Variants in CCDC25 observed in about 807,000 individuals in gnomAD.
CCDC25 encodes the protein coiled-coil domain containing 25.
In CCDC25, 16 loss-of-function variants were observed where a neutral mutation model predicts 35.3. The ratio of observed to expected loss-of-function variants is 0.45; its 90% CI spans 0.31 to 0.69. The LOEUF (loss-of-function observed/expected upper bound fraction) is 0.69. Ranked by LOEUF, CCDC25 falls within the 30% of genes least tolerant of loss-of-function variation. The pLI is 0.06. For synonymous variants in CCDC25, 79 were observed against 80.3 expected (o/e 0.98, Z 0.09); for missense variants, 179 against 250.7 (o/e 0.71, Z 1.93).
intron 4 of CCDC25, 86 bp from the exon 5 acceptor site, chr8:27,752,673 A>G: frequency 1.1e-6 from 1 of 941,922 alleles, no homozygotes. Flanking sequence ...TGCCTTACCT[A>G]CTAGGCATGA....
chr8:27,736,062 CA>C lies in CCDC25; in HGVS notation c.*153del, dbSNP rs112789683. 3.9e-5 allele frequency: 26 copies of C among 661,082 alleles called. No homozygotes were observed. The highest frequency in any genetic ancestry group is 6.9e-5 in the South Asian group (3 of 43,708). 41.0% of individuals were successfully genotyped at this position (661,082 alleles called of 1,614,324 possible). ...TCCTTTTCTGTCAGCAAAAAAGGTA[CA>C]ATTTTTTTAAAACTTGAAAATCAAT... On this transcript the variant is annotated 3_prime_UTR_variant, in exon 9 of 9. Coordinates refer to ENST00000356537, the MANE Select transcript of CCDC25 (RefSeq NM_018246.3).
intron 5 of CCDC25, among the ~76,000 whole-genome samples, chr8:27,750,256 G>T (rs908449650): frequency 6.6e-6 from 1 of 152,178 alleles, no homozygotes; most frequent in African/African-American, 2.4e-5. Flanking sequence ...AGAGCTCAGG[G>T]GTTACGGCAG....
At chr8:27,741,278 G>A (rs560013611) in intron 7 of CCDC25, among the ~76,000 whole-genome samples, 3 of 152,262 alleles carry the variant, frequency 2.0e-5, no homozygotes, top group South Asian at 2.1e-4. Flanking sequence ...GTAGAGGATC[G>A]GATGAGAAGA....
chr8:27,753,225 T>G (rs1284893993), intron 4 of CCDC25, among the ~76,000 whole-genome samples: 5 of 152,222 alleles, frequency 3.3e-5, no homozygotes, highest in Non-Finnish European at 7.3e-5. Flanking sequence ...TTAAGTAACT[T>G]GCTCAGAGTC....
chr8:27,745,624 A>T (rs1381048331), intron 7 of CCDC25, among the ~76,000 whole-genome samples: 4 of 152,232 alleles, frequency 2.6e-5, no homozygotes, highest in African/African-American at 9.6e-5. Context: ...ATTACAAAAC[A>T]AGTCAGAAGC....
At chr8:27,766,869 T>C (rs1392032012) in intron 1 of CCDC25, among the ~76,000 whole-genome samples, 1 of 152,220 alleles carries the variant, frequency 6.6e-6, no homozygotes, top group African/African-American at 2.4e-5. Context: ...AACAGTATTT[T>C]TGTGTATCTA....
At position 27,748,492 on chromosome 8, in the gene CCDC25, T is replaced by TA; in HGVS notation, c.348+2dup. ...GCCTCCTTCAGTGGCACAAAACACT[T>TA]ACATCCTTCTGCCTGTGAAAGCCTA... On this transcript the variant is annotated splice_region_variant and intron_variant, in intron 6 of 8. Transcript: ENST00000356537. 1 of 1,609,124 alleles carries TA rather than the reference T, an allele frequency of 6.2e-7. No homozygotes were observed. Among genetic ancestry groups the TA allele is most frequent in the Non-Finnish European group, 8.5e-7 (1 of 1,176,962 alleles).
rs58967491 is a variant in CCDC25, at chr8:27,765,356, T to C, written c.29-105A>G. 1.1e-3 allele frequency: 1,005 copies of C among 921,960 alleles called. 5 individuals are homozygous for C. Among genetic ancestry groups the C allele is most frequent in the African/African-American group, 9.0e-3 (527 of 58,306 alleles). The allele number at this position is 921,960 out of a possible 1,614,324, so 57.1% of individuals were successfully genotyped here. A position where few individuals can be genotyped will look rare whatever the true frequency, so the allele number is the denominator to read the frequency against. ...TCTTAGACTAGGGGCTGGCAAACCATGGCCCATGATCCAAATCCAGCCTAC... is the reference window on the plus strand; with the variant it reads ...TCTTAGACTAGGGGCTGGCAAACCACGGCCCATGATCCAAATCCAGCCTAC... On this transcript the variant is annotated intron_variant, in intron 1 of 8. Coordinates refer to ENST00000356537, the MANE Select transcript of CCDC25 (RefSeq NM_018246.3).
At chr8:27,765,530 G>A (rs1181561325) in intron 1 of CCDC25, among the ~76,000 whole-genome samples, 1 of 151,900 alleles carries the variant, frequency 6.6e-6, no homozygotes. Flanking sequence ...AAAAGAGAAA[G>A]TTTACCATCC....
intron 1 of CCDC25, among the ~76,000 whole-genome samples, chr8:27,770,358 T>C (rs372509392): frequency 8.6e-5 from 13 of 151,862 alleles, no homozygotes; most frequent in Admixed American, 2.0e-4. Context: ...ACCCAGGAGA[T>C]GGAGGTTGCA....
intron 2 of CCDC25, 121 bp from the exon 3 acceptor site, chr8:27,762,579 G>C (rs1286755222): frequency 1.4e-6 from 1 of 717,452 alleles, no homozygotes; most frequent in African/African-American, 1.8e-5. Flanking sequence ...CAATGAAGAA[G>C]AGTAATTCGG....
In CCDC25 at chr8:27,772,576, C is replaced by G. The variant is rs1356170239; in HGVS notation, c.-36G>C. The G allele has an allele frequency of 5.8e-6, 9 of 1,543,972 alleles. No individual in the cohort carries two copies. Among genetic ancestry groups the G allele is most frequent in the African/African-American group, 1.4e-5 (1 of 72,902 alleles). ...GCGGTGCGGTGACTCCACCGCGGAG[C>G]AGCAGCGCTCAACTCACGAAGCTCA... is the stretch of plus-strand genomic sequence containing the variant. On this transcript the variant is annotated 5_prime_UTR_variant, in exon 1 of 9. Transcript: ENST00000356537.
chr8:27,752,112 CAAAT>C (rs1464218742), intron 5 of CCDC25, among the ~76,000 whole-genome samples: 111 of 152,142 alleles, frequency 7.3e-4, no homozygotes, highest in Non-Finnish European at 3.8e-4. Flanking sequence ...AATCTAATGA[CAAAT>C]AATAGAAATA....
chr8:27,746,873 T>C (rs1803620663), intron 7 of CCDC25, among the ~76,000 whole-genome samples: 1 of 152,206 alleles, frequency 6.6e-6, no homozygotes, highest in African/African-American at 2.4e-5. Flanking sequence ...TCATTATACC[T>C]ACATTCTGAC....
chr8:27,738,292 A>G (rs1287460798), intron 8 of CCDC25, among the ~76,000 whole-genome samples: 1 of 152,092 alleles, frequency 6.6e-6, no homozygotes, highest in Non-Finnish European at 1.5e-5. Flanking sequence ...AAACACAAAC[A>G]TCTGTATCCC....
At chr8:27,751,987 G>C (rs1220181351) in intron 5 of CCDC25, among the ~76,000 whole-genome samples, 1 of 152,110 alleles carries the variant, frequency 6.6e-6, no homozygotes, top group Non-Finnish European at 1.5e-5. Flanking sequence ...TGGTGGGGAG[G>C]GGAAGTAACA....
intron 3 of CCDC25, among the ~76,000 whole-genome samples, chr8:27,758,355 C>T (rs1333691023): frequency 2.6e-5 from 4 of 152,182 alleles, no homozygotes; most frequent in African/African-American, 9.7e-5. Flanking sequence ...AGTCATCTTG[C>T]TATTCACTAT....
At position 27,752,518 on chromosome 8, in the gene CCDC25, T is replaced by G; in HGVS notation, c.238A>C (p.Ile80Leu). 1.2e-6 allele frequency: 2 copies of G among 1,612,284 alleles called. No individual in the cohort carries two copies. The highest frequency in any genetic ancestry group is 1.7e-6 in the Non-Finnish European group (2 of 1,178,478). The change falls in exon 5 of 9, where the codon ATT becomes CTT. Residue 80 changes from isoleucine to leucine, a missense_variant. Physicochemically the swap from Ile to Leu is conservative, Grantham distance 5. Transcript: ENST00000356537. ...CACCTCTAGGAAAACTGACCTTGAA[T>G]GCTATTGGCCTTCACAAGGTGGGCA... ...DCAHLVKANSIQGCKMNNVNV... is the reference protein window; with the variant it reads ...DCAHLVKANSLQGCKMNNVNV...
intron 8 of CCDC25, among the ~76,000 whole-genome samples, chr8:27,738,614 G>A (rs2128935674): frequency 6.6e-6 from 1 of 152,132 alleles, no homozygotes; most frequent in African/African-American, 2.4e-5. Context: ...GTGTGTGTGT[G>A]TGTGTGTGTG....
Sources: gnomAD v4.1 joint callset for allele counts (sites outside exome capture counted in the v4.1 genomes callset) on GRCh38, gnomAD v4.1.1 for gene constraint, MANE v1.5 for transcripts, NCBI Gene and HGNC (gene_info 2026-07-23, HGNC 2026-07-21) for gene names.